DPH6: variants seen among roughly 807,000 people sequenced by gnomAD.
DPH6 encodes the protein diphthamine biosynthesis 6, also known as diphthine--ammonia ligase.
A neutral mutation model predicts 38.2 loss-of-function variants in DPH6; 33 were observed. That is an observed-to-expected ratio of 0.86 (90% CI 0.65 to 1.15). The LOEUF (loss-of-function observed/expected upper bound fraction) is 1.15. DPH6 is among the 50% of genes most tolerant of loss of function. DPH6 has a pLI of 0.00. For synonymous variants in DPH6, 108 were observed against 103.0 expected, an observed-to-expected ratio of 1.05 and a Z score of -0.30; for missense variants, 325 against 320.0, an observed-to-expected ratio of 1.02 and a Z score of -0.12.
At chr15:35,427,416 A>G (rs1271060753) in intron 5 of DPH6, among the ~76,000 whole-genome samples, 1 of 152,020 alleles carries the variant, frequency 6.6e-6, no homozygotes, top group African/African-American at 2.4e-5. Flanking sequence ...TTGGAAAACA[A>G]GCAAGTATTT....
rs552649572 is a variant in DPH6 at position 35,403,474 on chromosome 15, T to A, written c.567+7361A>T. Among the ~76,000 whole-genome samples the A allele has an allele frequency of 4.6e-5, 7 of 152,184 alleles. No homozygotes were observed. The East Asian group carries it at 1.4e-3, about 29-fold the overall frequency. Reference sequence around the variant, plus strand: ...AAATTATTATTGACTATAGGCCCCCTGTTGTGCTATCAAACACTAGGTCTT... The same window carrying A: ...AAATTATTATTGACTATAGGCCCCCAGTTGTGCTATCAAACACTAGGTCTT... On this transcript the variant is annotated intron_variant, in intron 6 of 8. Coordinates refer to ENST00000256538, the MANE Select transcript of DPH6 (RefSeq NM_080650.4).
chr15:35,545,037 G>T (rs925937878), intron 1 of DPH6, among the ~76,000 whole-genome samples: 1 of 152,114 alleles, frequency 6.6e-6, no homozygotes, highest in African/African-American at 2.4e-5. Context: ...AAAGGGAACC[G>T]GAATATTCCA....
intron 3 of DPH6, chr15:35,489,486 T>C (rs2054448105): frequency 1.0e-6 from 1 of 982,822 alleles, no homozygotes; most frequent in Non-Finnish European, 1.2e-6. Flanking sequence ...AGGCATATAA[T>C]AAATATGAAC....
At chr15:35,470,713 C>T (rs1223537489) in intron 3 of DPH6, among the ~76,000 whole-genome samples, 1 of 152,144 alleles carries the variant, frequency 6.6e-6, no homozygotes, top group Non-Finnish European at 1.5e-5. Flanking sequence ...AAACATTATC[C>T]ACTTCAAGAA....
intron 3 of DPH6, among the ~76,000 whole-genome samples, chr15:35,531,119 T>C (rs4627294): frequency 0.99 from 151,465 of 152,302 alleles, 75,324 homozygotes; most frequent in Middle Eastern, 1. Flanking sequence ...CCATTCCAAA[T>C]CCTTCAGATT....
At chr15:35,306,266 GT>G (rs976883980) in intron 3 of DPH6, among the ~76,000 whole-genome samples, 1 of 152,170 alleles carries the variant, frequency 6.6e-6, no homozygotes, top group African/African-American at 2.4e-5. Flanking sequence ...TTTCTAAACT[GT>G]TTTTTATAAT....
the DPH6 span, among the ~76,000 whole-genome samples, chr15:35,162,994 G>A: frequency 2.0e-5 from 3 of 151,856 alleles, no homozygotes; most frequent in African/African-American, 7.2e-5. Context: ...AATCAGCAAA[G>A]CTTACAAACA....
At chr15:35,461,362 T>A (rs981733953) in intron 3 of DPH6, among the ~76,000 whole-genome samples, 1 of 152,202 alleles carries the variant, frequency 6.6e-6, no homozygotes, top group African/African-American at 2.4e-5. Flanking sequence ...CATGAGCTAC[T>A]GTACCCAGCC....
chr15:35,319,731 T>C (rs1284921492), intron 3 of DPH6, among the ~76,000 whole-genome samples: 1 of 151,892 alleles, frequency 6.6e-6, no homozygotes, highest in Admixed American at 6.6e-5. Context: ...CAGAGTGAGA[T>C]TCCATCTCAA....
the DPH6 span, among the ~76,000 whole-genome samples, chr15:35,190,182 A>G: frequency 6.6e-6 from 1 of 152,198 alleles, no homozygotes; most frequent in African/African-American, 2.4e-5. Context: ...TCTGGTCTTA[A>G]GGCAGATAAG....
chr15:35,338,897 T>C lies in DPH6; in HGVS notation n.208-7820A>G, dbSNP rs1229621188. 2.5e-4 allele frequency among the ~76,000 whole-genome samples: 38 copies of C among 152,092 alleles called. 4 individuals are homozygous for C. The highest frequency in any genetic ancestry group is 5.8e-4 in the East Asian group (3 of 5,144). ...GTCCTTTGTAGGGACATGGATGAAATTGGAAACCATCATTCTCAGCAAACT... is the reference window on the plus strand; with the variant it reads ...GTCCTTTGTAGGGACATGGATGAAACTGGAAACCATCATTCTCAGCAAACT... On this transcript the variant is annotated intron_variant and non_coding_transcript_variant, in intron 3 of 3. Transcript: ENST00000558973.
rs61568573 is a variant in DPH6 at position 35,515,722 on chromosome 15, G to GAAAA, written c.312+22548_312+22551dup. ...GGCGTCAGAGCGAGACTCCGTCTCA[G>GAAAA]AAAAAAAAAAAAAAAAAAAAAAAAA... is the stretch of plus-strand genomic sequence containing the variant. On this transcript the variant is annotated intron_variant, in intron 3 of 8. Transcript: ENST00000256538. Among the ~76,000 whole-genome samples, 194 of 77,918 alleles carry GAAAA rather than the reference G, an allele frequency of 2.5e-3. 4 individuals carry two copies. Among genetic ancestry groups the GAAAA allele is most frequent in the African/African-American group, 4.2e-3 (84 of 20,168 alleles). 51.1% of individuals were successfully genotyped at this position (77,918 alleles called of 152,430 possible).
At chr15:35,283,604 C>T (rs2051917918) in intron 3 of DPH6, among the ~76,000 whole-genome samples, 1 of 152,138 alleles carries the variant, frequency 6.6e-6, no homozygotes, top group African/African-American at 2.4e-5. Context: ...CCCTGAATAA[C>T]TTCTTATATG....
At chr15:35,245,860 G>C (rs150368162) in intron 3 of DPH6, among the ~76,000 whole-genome samples, 1 of 152,224 alleles carries the variant, frequency 6.6e-6, no homozygotes, top group African/African-American at 2.4e-5. Flanking sequence ...AATACAGGAT[G>C]TTCTCAAGCA....
chr15:35,369,578 C>T (rs2052691993), downstream of DPH6, among the ~76,000 whole-genome samples: 1 of 149,180 alleles, frequency 6.7e-6, no homozygotes, highest in African/African-American at 2.5e-5. Context: ...TATCAACTAA[C>T]TCTGAATTCA....
chr15:35,483,482 A>G (rs979223078), intron 3 of DPH6, among the ~76,000 whole-genome samples: 2 of 152,014 alleles, frequency 1.3e-5, no homozygotes, highest in African/African-American at 2.4e-5. Flanking sequence ...ACCAAAAAAA[A>G]AAAACCAAAA....
At chr15:35,361,351 C>G (rs2052612450) in intron 3 of DPH6, among the ~76,000 whole-genome samples, 2 of 152,150 alleles carry the variant, frequency 1.3e-5, no homozygotes, top group South Asian at 4.1e-4. Context: ...TTTCCACCAT[C>G]TTGCCTATGT....
chr15:35,409,470 C>G (rs1012143892), intron 6 of DPH6, among the ~76,000 whole-genome samples: 1 of 151,970 alleles, frequency 6.6e-6, no homozygotes, highest in Non-Finnish European at 1.5e-5. Context: ...CAGGTTAACT[C>G]ATAATCAACA....
chr15:35,178,059 C>T, the DPH6 span, among the ~76,000 whole-genome samples: 1 of 152,056 alleles, frequency 6.6e-6, no homozygotes, highest in Non-Finnish European at 1.5e-5. Context: ...TTTAGCAGGA[C>T]CATCACCTCA....
Sources: gnomAD v4.1 joint callset for allele counts (sites outside exome capture counted in the v4.1 genomes callset) on GRCh38, gnomAD v4.1.1 for gene constraint, MANE v1.5 for transcripts, NCBI Gene and HGNC (gene_info 2026-07-23, HGNC 2026-07-21) for gene names.